Variants in PRKN observed in about 807,000 individuals in gnomAD.
The protein encoded by PRKN is E3 ubiquitin-protein ligase parkin.
PRKN carries 56 observed loss-of-function variants against 59.5 expected under a neutral mutation model. The observed-to-expected ratio is 0.94, with a 90% CI of 0.76 to 1.18. The LOEUF is 1.18. PRKN is among the 50% of genes most tolerant of loss of function. PRKN has a pLI of 0.00. For missense variants in PRKN, 657 were observed against 596.4 expected (o/e 1.10, Z -1.06); for synonymous variants, 250 against 222.1 (o/e 1.13, Z -1.12).
intron 1 of PRKN, among the ~76,000 whole-genome samples, chr6:162,497,834 G>A (rs1289885483): frequency 2.0e-5 from 3 of 152,158 alleles, no homozygotes; most frequent in Non-Finnish European, 1.5e-5. Flanking sequence ...ATATGTTCTA[G>A]TTTTCAATAG....
chr6:161,716,119 G>A, intron 7 of PRKN: 1 of 1,345,764 alleles, frequency 7.4e-7, no homozygotes, highest in Non-Finnish European at 9.8e-7. Flanking sequence ...AAGCACCACT[G>A]TGTCTCCAGT....
intron 4 of PRKN, among the ~76,000 whole-genome samples, chr6:162,085,964 T>C (rs1396030453): frequency 6.6e-6 from 1 of 152,188 alleles, no homozygotes; most frequent in African/African-American, 2.4e-5. Context: ...AGATTTGCCA[T>C]TCTACTCTAT....
At chr6:161,775,390 G>A (rs1486144980) in intron 7 of PRKN, among the ~76,000 whole-genome samples, 2 of 151,694 alleles carry the variant, frequency 1.3e-5, no homozygotes, top group South Asian at 2.1e-4. Context: ...CTGTAGATAT[G>A]CCCCAACACA....
intron 7 of PRKN, among the ~76,000 whole-genome samples, chr6:161,671,275 G>A (rs1784899639): frequency 6.6e-6 from 1 of 152,098 alleles, no homozygotes; most frequent in Non-Finnish European, 1.5e-5. Context: ...TGGCAGTGAG[G>A]CTGACGTGAC....
intron 2 of PRKN, among the ~76,000 whole-genome samples, chr6:162,333,593 G>T (rs1487064017): frequency 6.6e-6 from 1 of 152,098 alleles, no homozygotes; most frequent in African/African-American, 2.4e-5. Context: ...AATGTTACAT[G>T]TGTTCCGACT....
At chr6:161,878,741 A>G (rs897444850) in intron 6 of PRKN, among the ~76,000 whole-genome samples, 1 of 152,180 alleles carries the variant, frequency 6.6e-6, no homozygotes, top group Non-Finnish European at 1.5e-5. Flanking sequence ...AAGCATGACT[A>G]TACTATATTT....
intron 2 of PRKN, among the ~76,000 whole-genome samples, chr6:162,304,874 T>C (rs1208876967): frequency 7.2e-6 from 1 of 138,814 alleles, no homozygotes; most frequent in Non-Finnish European, 1.6e-5. Flanking sequence ...CAAGTGAAAA[T>C]GGAAATCCAG....
In PRKN at chr6:161,456,859, G is replaced by A. The variant is rs1401506342; in HGVS notation, c.1084-69982C>T. Among the ~76,000 whole-genome samples, 1 of 152,162 alleles carries A rather than the reference G, an allele frequency of 6.6e-6. No homozygotes were observed. The highest frequency in any genetic ancestry group is 2.4e-5 in the African/African-American group (1 of 41,422). On this transcript the variant is annotated intron_variant, in intron 9 of 11. Transcript: ENST00000366898. The surrounding 1 kb of genome is among the most constrained non-coding windows in gnomAD (Gnocchi z 4.8). The stretch of plus-strand genomic sequence containing the variant: ...CCTCAGGAGAAGAGATGGTCTCATT[G>A]CTCAGGGAACCTTTTCTCCTAGGCA...
chr6:162,376,784 AG>A (rs1179852911), intron 2 of PRKN, among the ~76,000 whole-genome samples: 1 of 57,156 alleles, frequency 1.7e-5, no homozygotes, highest in African/African-American at 7.4e-5. Context: ...GGGGAGGGGG[AG>A]GGGAGGAGGA....
intron 4 of PRKN, among the ~76,000 whole-genome samples, chr6:162,119,119 T>C (rs138937486): frequency 6.6e-6 from 1 of 152,314 alleles, no homozygotes; most frequent in East Asian, 1.9e-4. Context: ...CTTTAACAAG[T>C]TCTTGTGGAT....
intron 1 of PRKN, among the ~76,000 whole-genome samples, chr6:162,477,921 C>G (rs1200513626): frequency 1.3e-5 from 2 of 152,186 alleles, no homozygotes; most frequent in African/African-American, 4.8e-5. Context: ...TACTGTTTGT[C>G]AGCCTCATCC....
intron 4 of PRKN, among the ~76,000 whole-genome samples, chr6:162,140,428 C>A (rs1384696063): frequency 1.3e-5 from 2 of 152,080 alleles, no homozygotes; most frequent in Admixed American, 1.3e-4. Flanking sequence ...GTATGCAGTG[C>A]AGTACAATGA....
intron 4 of PRKN, among the ~76,000 whole-genome samples, chr6:162,117,903 C>T (rs1780742205): frequency 6.6e-6 from 1 of 151,934 alleles, no homozygotes; most frequent in East Asian, 1.9e-4. Flanking sequence ...TCAGGACCAG[C>T]CTGGCCAACG....
chr6:162,387,234 CAAAAA>C (rs34452454), intron 2 of PRKN, among the ~76,000 whole-genome samples: 3,217 of 101,220 alleles, frequency 0.032, 90 homozygotes, highest in African/African-American at 0.099. Flanking sequence ...AAAAAATAAG[CAAAAA>C]AAAAAAAAAA....
intron 1 of PRKN, among the ~76,000 whole-genome samples, chr6:162,643,092 C>T (rs373595010): frequency 1.3e-5 from 2 of 151,656 alleles, no homozygotes; most frequent in African/African-American, 4.8e-5. Context: ...ATAAAGACAC[C>T]ACGGGTAATA....
Position 161,562,044 on chromosome 6 carries a change from G to A in PRKN, c.933+7311C>T, listed in dbSNP as rs538976560. ...TCACCATTCCTCCTCTGGAAGGCCC[G>A]CCTTCTCAGCTTCCCCAACACCATA... is the stretch of plus-strand genomic sequence containing the variant. On this transcript the variant is annotated intron_variant, in intron 8 of 11. Coordinates refer to ENST00000366898, the MANE Select transcript of PRKN (RefSeq NM_004562.3). This position sits in a 1 kb window ranked among gnomAD's most constrained non-coding sequence, Gnocchi z 4.3. Among the ~76,000 whole-genome samples the A allele has an allele frequency of 1.6e-3, 237 of 152,032 alleles. 1 individual carries two copies. Among genetic ancestry groups the A allele is most frequent in the Non-Finnish European group, 2.5e-3 (168 of 67,930 alleles).
At chr6:162,628,485 C>A (rs796456207) in intron 1 of PRKN, among the ~76,000 whole-genome samples, 5 of 152,176 alleles carry the variant, frequency 3.3e-5, no homozygotes, top group African/African-American at 1.2e-4. Context: ...TATCCCTAAT[C>A]CATAGTCAGG....
chr6:162,644,738 G>T (rs944175848), intron 1 of PRKN, among the ~76,000 whole-genome samples: 3 of 152,128 alleles, frequency 2.0e-5, no homozygotes, highest in Non-Finnish European at 4.4e-5. Context: ...AAATTTCAGA[G>T]ATTTATTCTG....
chr6:162,190,414 C>T (rs1325992544), intron 4 of PRKN, among the ~76,000 whole-genome samples: 2 of 152,166 alleles, frequency 1.3e-5, no homozygotes, highest in African/African-American at 2.4e-5. Flanking sequence ...GAGTAAGTGT[C>T]AACTCTCCCT....
Sources: allele counts gnomAD v4.1 joint callset (sites outside exome capture counted in the v4.1 genomes callset), GRCh38; gene constraint gnomAD v4.1.1; non-coding constraint Gnocchi (gnomAD v3.1); transcripts MANE v1.5; gene names NCBI Gene and HGNC (gene_info 2026-07-23, HGNC 2026-07-21).